FBXL17: variants seen among roughly 807,000 people sequenced by gnomAD.
FBXL17 encodes F-box and leucine rich repeat protein 17.
FBXL17 carries 22 observed loss-of-function variants against 66.2 expected under a neutral mutation model. The ratio of observed to expected loss-of-function variants is 0.33; its 90% CI spans 0.24 to 0.47. The LOEUF is 0.47. FBXL17 is among the 20% of genes least tolerant of loss of function. The pLI, the probability that FBXL17 is intolerant of heterozygous loss-of-function variation, is 1.00. For missense variants in FBXL17, 878 were observed against 948.2 expected (o/e 0.93, Z 0.97); for synonymous variants, 474 against 400.5 (o/e 1.18, Z -2.19).
intron 4 of FBXL17, among the ~76,000 whole-genome samples, chr5:108,326,165 CAA>C (rs1759839153): frequency 6.6e-6 from 1 of 152,046 alleles, no homozygotes; most frequent in Admixed American, 6.6e-5. Flanking sequence ...TTGCTCTCTT[CAA>C]AAGACTCTAT....
intron 6 of FBXL17, among the ~76,000 whole-genome samples, chr5:108,053,425 C>T (rs1378810630): frequency 4.0e-5 from 6 of 151,764 alleles, no homozygotes; most frequent in African/African-American, 1.5e-4. Context: ...TTTACACAGC[C>T]AACAAACATA....
chr5:108,298,729 CAATTT>C (rs995592077), intron 4 of FBXL17: 9 of 765,706 alleles, frequency 1.2e-5, no homozygotes, highest in African/African-American at 9.5e-5. Context: ...ATTCCTAATT[CAATTT>C]AATTTTTAAA....
chr5:107,880,667 G>A, intron 8 of FBXL17: 1 of 1,210,806 alleles, frequency 8.3e-7, no homozygotes, highest in Non-Finnish European at 1.0e-6. Flanking sequence ...TACTGTTGCT[G>A]GAAACTTGAA....
intron 6 of FBXL17, among the ~76,000 whole-genome samples, chr5:108,175,964 C>A (rs995897506): frequency 2.6e-5 from 4 of 152,122 alleles, no homozygotes; most frequent in African/African-American, 4.8e-5. Context: ...ATTTACTGGG[C>A]TTCATTTATC....
intron 8 of FBXL17, among the ~76,000 whole-genome samples, chr5:107,866,064 A>C (rs1344780141): frequency 6.8e-6 from 1 of 146,000 alleles, no homozygotes; most frequent in African/African-American, 2.6e-5. Context: ...TATGTAATAT[A>C]AAAAGGGAAC....
intron 6 of FBXL17, among the ~76,000 whole-genome samples, chr5:108,021,340 T>C (rs1026420382): frequency 6.7e-6 from 1 of 149,750 alleles, no homozygotes; most frequent in Non-Finnish European, 1.5e-5. Flanking sequence ...AATAGAACTG[T>C]AGAATATAGA....
chr5:108,378,086 CTATTA>C (rs1201164118), intron 1 of FBXL17, among the ~76,000 whole-genome samples: 1 of 152,038 alleles, frequency 6.6e-6, no homozygotes, highest in Non-Finnish European at 1.5e-5. Context: ...GTTAAAGAAA[CTATTA>C]TATTAAAATG....
At chr5:108,344,524 G>A (rs556335443) in intron 4 of FBXL17, among the ~76,000 whole-genome samples, 17 of 151,798 alleles carry the variant, frequency 1.1e-4, no homozygotes, top group East Asian at 3.9e-4. Flanking sequence ...CACACATAAC[G>A]CATACAGATC....
chr5:108,258,736 C>CTTTTTTT (rs1756683287), intron 4 of FBXL17, among the ~76,000 whole-genome samples: 14 of 130,082 alleles, frequency 1.1e-4, no homozygotes, highest in African/African-American at 4.4e-4. Context: ...TGGCCTTTAA[C>CTTTTTTT]ATTTTTTTTT....
intron 5 of FBXL17, among the ~76,000 whole-genome samples, chr5:108,218,471 G>C (rs1371632771): frequency 6.6e-6 from 1 of 152,100 alleles, no homozygotes; most frequent in African/African-American, 2.4e-5. Context: ...TCATATGGCA[G>C]TTTTATTTTT....
At chr5:108,117,391 T>C (rs1426939300) in intron 6 of FBXL17, among the ~76,000 whole-genome samples, 2 of 152,230 alleles carry the variant, frequency 1.3e-5, no homozygotes, top group African/African-American at 4.8e-5. Flanking sequence ...ATAAGCTAAC[T>C]GATTGCTAAT....
intron 7 of FBXL17, among the ~76,000 whole-genome samples, chr5:107,976,129 T>C (rs28514323): frequency 0.01 from 1,548 of 152,306 alleles, 22 homozygotes; most frequent in African/African-American, 0.035. Context: ...AGTGCTGGGA[T>C]TACAGGCGTA....
intron 7 of FBXL17, 55 bp downstream of exon 7, chr5:108,020,870 T>C (rs531074927): frequency 3.9e-6 from 5 of 1,277,118 alleles, no homozygotes; most frequent in Non-Finnish European, 5.7e-6. Context: ...GAACTTTCAA[T>C]GATTTTGTAA....
intron 4 of FBXL17, among the ~76,000 whole-genome samples, chr5:108,239,063 T>G (rs78755936): frequency 7.0e-6 from 1 of 143,846 alleles, no homozygotes; most frequent in African/African-American, 2.7e-5. Flanking sequence ...AACTTTGACA[T>G]TTTTTTTTTA....
intron 4 of FBXL17, among the ~76,000 whole-genome samples, chr5:108,278,309 C>G (rs1757565766): frequency 6.6e-6 from 1 of 152,200 alleles, no homozygotes; most frequent in Non-Finnish European, 1.5e-5. Flanking sequence ...ACCTAAGAAA[C>G]AGTAAGATGC....
chr5:108,250,342 A>G (rs565744913), intron 4 of FBXL17, among the ~76,000 whole-genome samples: 1 of 152,280 alleles, frequency 6.6e-6, no homozygotes, highest in Non-Finnish European at 1.5e-5. Flanking sequence ...AAGGTCAATG[A>G]TTACCACAGT....
chr5:107,901,577 G>T (rs1749568231), intron 7 of FBXL17, among the ~76,000 whole-genome samples: 1 of 152,096 alleles, frequency 6.6e-6, no homozygotes, highest in African/African-American at 2.4e-5. Flanking sequence ...ACATTATTTT[G>T]ACAGGGACAC....
intron 1 of FBXL17, among the ~76,000 whole-genome samples, chr5:108,369,656 T>C (rs867582902): frequency 6.6e-6 from 1 of 151,514 alleles, no homozygotes; most frequent in Non-Finnish European, 1.5e-5. Flanking sequence ...TTCTAAAAAA[T>C]AATTTTTAAA....
chr5:108,039,858 C>A (rs569766434), intron 6 of FBXL17, among the ~76,000 whole-genome samples: 3 of 152,164 alleles, frequency 2.0e-5, no homozygotes, highest in Non-Finnish European at 4.4e-5. Context: ...AGCAGCAAAT[C>A]AGAATAAAAT....
Sources: gnomAD v4.1 joint callset for allele counts (sites outside exome capture counted in the v4.1 genomes callset) on GRCh38, gnomAD v4.1.1 for gene constraint, MANE v1.5 for transcripts, NCBI Gene and HGNC (gene_info 2026-07-23, HGNC 2026-07-21) for gene names.